The following SYN3 variants were observed in gnomAD, a reference collection of about 807,000 sequenced individuals.
SYN3 encodes the protein synapsin-3.
In SYN3, 35 loss-of-function variants were observed where a neutral mutation model predicts 65.8. The observed-to-expected ratio is 0.53, with a 90% CI of 0.41 to 0.70. The LOEUF (loss-of-function observed/expected upper bound fraction) is 0.70. Ranked by LOEUF, SYN3 falls within the 30% of genes least tolerant of loss-of-function variation. SYN3 has a pLI of 0.00. For missense variants in SYN3, 680 were observed against 749.0 expected (o/e 0.91, Z 1.08); for synonymous variants, 270 against 292.9 (o/e 0.92, Z 0.80).
chr22:32,689,591 A>G (rs1429241183), intron 6 of SYN3, among the ~76,000 whole-genome samples: 1 of 152,146 alleles, frequency 6.6e-6, no homozygotes, highest in Non-Finnish European at 1.5e-5. Context: ...TGTTTCCTAA[A>G]TGACAAAAGT....
intron 1 of SYN3, among the ~76,000 whole-genome samples, chr22:33,042,194 C>T (rs1323999435): frequency 6.6e-6 from 1 of 152,162 alleles, no homozygotes; most frequent in African/African-American, 2.4e-5. Context: ...TCTCAGACTT[C>T]CCAGCCTCCC....
intron 6 of SYN3, among the ~76,000 whole-genome samples, chr22:32,830,724 T>A (rs1355843409): frequency 6.6e-6 from 1 of 152,060 alleles, no homozygotes; most frequent in Non-Finnish European, 1.5e-5. Flanking sequence ...CCCACAGTTG[T>A]TTCCTGTACC....
At chr22:32,667,934 C>G (rs1952167445) in intron 6 of SYN3, among the ~76,000 whole-genome samples, 1 of 151,892 alleles carries the variant, frequency 6.6e-6, no homozygotes, top group African/African-American at 2.4e-5. Flanking sequence ...GCTGGGACTA[C>G]AGGTGCCTAC....
chr22:32,789,871 T>G (rs961353460), intron 6 of SYN3, among the ~76,000 whole-genome samples: 1 of 152,198 alleles, frequency 6.6e-6, no homozygotes, highest in Non-Finnish European at 1.5e-5. Context: ...TGCTCCCAGC[T>G]TGGGTGGGAG....
At chr22:32,933,147 G>A (rs570227429) in intron 3 of SYN3, among the ~76,000 whole-genome samples, 37 of 152,196 alleles carry the variant, frequency 2.4e-4, no homozygotes, top group African/African-American at 8.7e-4. Flanking sequence ...TAATGCTATC[G>A]GCTAAAATGC....
intron 2 of SYN3, among the ~76,000 whole-genome samples, chr22:32,995,131 C>T (rs1263490229): frequency 1.3e-5 from 2 of 152,090 alleles, no homozygotes; most frequent in African/African-American, 2.4e-5. Flanking sequence ...CTGCTGGTGG[C>T]GGACAGCCCT....
At chr22:32,623,221 C>T (rs2059620054) in intron 6 of SYN3, among the ~76,000 whole-genome samples, 1 of 151,496 alleles carries the variant, frequency 6.6e-6, no homozygotes, top group African/African-American at 2.4e-5. Context: ...AGATCTCACT[C>T]TGTTGTTCAG....
chr22:32,828,494 T>C (rs927791274), intron 6 of SYN3, among the ~76,000 whole-genome samples: 2 of 152,228 alleles, frequency 1.3e-5, no homozygotes, highest in Admixed American at 6.5e-5. Flanking sequence ...AGGAGCAGAA[T>C]TGAAATAAGT....
chr22:32,951,584 G>T (rs957997038), intron 3 of SYN3, among the ~76,000 whole-genome samples: 1 of 152,180 alleles, frequency 6.6e-6, no homozygotes, highest in Non-Finnish European at 1.5e-5. Flanking sequence ...ATCACTCAAT[G>T]AACCAATGCC....
chr22:32,747,714 C>A (rs118091355), intron 6 of SYN3, among the ~76,000 whole-genome samples: 5,664 of 152,310 alleles, frequency 0.037, 139 homozygotes, highest in Non-Finnish European at 0.057. Flanking sequence ...ATTCTTTACA[C>A]CAAAGCAATA....
intron 6 of SYN3, among the ~76,000 whole-genome samples, chr22:32,844,910 A>G (rs1287900196): frequency 3.3e-5 from 5 of 152,008 alleles, no homozygotes; most frequent in East Asian, 1.9e-4. Flanking sequence ...TTTATTTTTT[A>G]TAGAGACAAG....
intron 6 of SYN3, among the ~76,000 whole-genome samples, chr22:32,814,202 AAAGAAAAC>A (rs1424170095): frequency 1.3e-5 from 2 of 148,518 alleles, no homozygotes; most frequent in Admixed American, 1.4e-4. Context: ...AGAAAGAAAG[AAAGAAAAC>A]AAAGAAAGGA....
At chr22:32,842,058 T>C (rs543312435) in intron 6 of SYN3, among the ~76,000 whole-genome samples, 2 of 152,260 alleles carry the variant, frequency 1.3e-5, no homozygotes, top group East Asian at 3.9e-4. Context: ...GGGGGGAGGC[T>C]GCCTAGGTTA....
intron 7 of SYN3, among the ~76,000 whole-genome samples, chr22:32,590,910 C>T (rs2059118881): frequency 6.6e-6 from 1 of 152,214 alleles, no homozygotes; most frequent in Admixed American, 6.5e-5. Flanking sequence ...AATCATATCT[C>T]CCCTACTGAC....
intron 13 of SYN3, among the ~76,000 whole-genome samples, chr22:32,515,923 C>T (rs1023775662): frequency 2.0e-5 from 3 of 152,090 alleles, no homozygotes; most frequent in African/African-American, 7.2e-5. Context: ...CTCAGCCTCC[C>T]TAGCAGCTGG....
At chr22:32,983,010 T>G (rs2052415127) in intron 2 of SYN3, among the ~76,000 whole-genome samples, 1 of 152,188 alleles carries the variant, frequency 6.6e-6, no homozygotes, top group Non-Finnish European at 1.5e-5. Flanking sequence ...CAGTGAAAAT[T>G]GGGGTCTTTA....
chr22:32,604,294 C>T (rs1024215716), intron 6 of SYN3, among the ~76,000 whole-genome samples: 2 of 152,318 alleles, frequency 1.3e-5, no homozygotes, highest in Non-Finnish European at 2.9e-5. Flanking sequence ...CATTTCCTGC[C>T]TCCAAGGCTC....
chr22:32,559,805 G>A (rs375442965), intron 7 of SYN3, among the ~76,000 whole-genome samples: 2 of 151,342 alleles, frequency 1.3e-5, no homozygotes, highest in African/African-American at 4.9e-5. Flanking sequence ...CCTCCAGCCT[G>A]GGAGACAGAG....
chr22:32,814,556 T>G (rs549154935), intron 6 of SYN3, among the ~76,000 whole-genome samples: 1 of 152,330 alleles, frequency 6.6e-6, no homozygotes, highest in Admixed American at 6.5e-5. Flanking sequence ...CTTCAGGTGC[T>G]GATAAATATG....
Sources: allele counts gnomAD v4.1 joint callset (sites outside exome capture counted in the v4.1 genomes callset), GRCh38; gene constraint gnomAD v4.1.1; transcripts MANE v1.5; gene names NCBI Gene and HGNC (gene_info 2026-07-23, HGNC 2026-07-21).